The following CTNNA2 variants were observed in gnomAD, a reference collection of about 807,000 sequenced individuals.
CTNNA2 encodes catenin alpha 2, also known as catenin alpha-2.
In CTNNA2, 42 loss-of-function variants were observed where a neutral mutation model predicts 101.0. That is an observed-to-expected ratio of 0.42 (90% CI 0.32 to 0.54). CTNNA2 has a LOEUF of 0.54. Among genes scored for constraint, CTNNA2 ranks in the 20% least tolerant of loss-of-function variants. The probability of loss-of-function intolerance (pLI) is 0.14; values close to 1 mark genes in which losing one functional copy is unlikely to be tolerated. For synonymous variants in CTNNA2, 450 were observed against 456.4 expected, an observed-to-expected ratio of 0.99 and a Z score of 0.18; for missense variants, 871 against 1,223.1, an observed-to-expected ratio of 0.71 and a Z score of 4.29.
chr2:80,529,834 A>AG (rs1471098447), intron 9 of CTNNA2, among the ~76,000 whole-genome samples: 1 of 152,128 alleles, frequency 6.6e-6, no homozygotes, highest in Non-Finnish European at 1.5e-5. Flanking sequence ...TGATTCAGCG[A>AG]GGGGGGTAAA....
chr2:79,799,919 C>A (rs1381165110), intron 3 of CTNNA2, among the ~76,000 whole-genome samples: 1 of 152,030 alleles, frequency 6.6e-6, no homozygotes, highest in African/African-American at 2.4e-5. Context: ...TAATAATGAC[C>A]ATTTTGCTTA....
At chr2:79,510,733 G>T (rs1352282385), upstream of CTNNA2, among the ~76,000 whole-genome samples, 2 of 152,042 alleles carry the variant, frequency 1.3e-5, no homozygotes, top group African/African-American at 4.8e-5. Flanking sequence ...CTTTTATGCT[G>T]GTTTTTTAAT....
intron 8 of CTNNA2, among the ~76,000 whole-genome samples, chr2:80,404,523 A>G (rs1375604736): frequency 6.6e-6 from 1 of 152,180 alleles, no homozygotes; most frequent in South Asian, 2.1e-4. Context: ...ATGTGGTTAC[A>G]TGTGTCTAAT....
chr2:79,431,131 C>T (rs1678655518), intron 4 of CTNNA2, among the ~76,000 whole-genome samples: 1 of 152,020 alleles, frequency 6.6e-6, no homozygotes, highest in Non-Finnish European at 1.5e-5. Flanking sequence ...TAAAGCTGGA[C>T]TTTGAGGAGT....
At chr2:80,332,310 C>T (rs935946613) in intron 7 of CTNNA2, among the ~76,000 whole-genome samples, 3 of 152,136 alleles carry the variant, frequency 2.0e-5, no homozygotes, top group Admixed American at 6.5e-5. Flanking sequence ...CCTCACCTCC[C>T]ATGAAGCTGG....
At chr2:79,380,081 A>G (rs547304619) in intron 4 of CTNNA2, among the ~76,000 whole-genome samples, 1 of 152,170 alleles carries the variant, frequency 6.6e-6, no homozygotes, top group Non-Finnish European at 1.5e-5. Context: ...CCAGAGGGAC[A>G]TTACAAAACA....
Position 79,771,624 on chromosome 2 carries a change from C to A in CTNNA2, c.298+27042C>A, listed in dbSNP as rs1673587215. Among the ~76,000 whole-genome samples the A allele has an allele frequency of 2.6e-5, 4 of 152,276 alleles. No homozygotes were observed. The South Asian group carries it at 8.3e-4, about 32-fold the overall frequency. On this transcript the variant is annotated intron_variant, in intron 3 of 18. Transcript: ENST00000402739. ...CTAAATCCCTTGCATGCACAGTTCA[C>A]AAGAGGGTCCACTCTCCTATGAGAA...
intron 9 of CTNNA2, among the ~76,000 whole-genome samples, chr2:80,521,647 G>A (rs753050070): frequency 6.6e-6 from 1 of 152,150 alleles, no homozygotes; most frequent in Non-Finnish European, 1.5e-5. Flanking sequence ...AGATAAAAAG[G>A]AGCTAGGAGC....
intron 7 of CTNNA2, among the ~76,000 whole-genome samples, chr2:80,096,954 T>C (rs1056271289): frequency 1.3e-5 from 2 of 152,212 alleles, no homozygotes; most frequent in African/African-American, 4.8e-5. Flanking sequence ...TCTTGACTCC[T>C]TATCCAATTT....
At chr2:79,446,032 G>T (rs548256710) in intron 4 of CTNNA2, among the ~76,000 whole-genome samples, 1 of 152,040 alleles carries the variant, frequency 6.6e-6, no homozygotes, top group South Asian at 2.1e-4. Flanking sequence ...TTAAGCATTT[G>T]GGCTCTGGAA....
intron 1 of CTNNA2, among the ~76,000 whole-genome samples, chr2:79,538,457 A>G (rs2103974734): frequency 6.6e-6 from 1 of 152,288 alleles, no homozygotes; most frequent in South Asian, 2.1e-4. Flanking sequence ...ATTGTTGAGG[A>G]ATTACTGGAT....
chr2:79,792,528 T>C (rs1218801577), intron 3 of CTNNA2, among the ~76,000 whole-genome samples: 1 of 152,180 alleles, frequency 6.6e-6, no homozygotes. Context: ...TGTCTGGATG[T>C]GTTCTTACAA....
At chr2:80,423,145 T>G (rs1168021738) in intron 9 of CTNNA2, among the ~76,000 whole-genome samples, 1 of 152,128 alleles carries the variant, frequency 6.6e-6, no homozygotes, top group African/African-American at 2.4e-5. Context: ...GCTTTCAGCT[T>G]TATAGATTTG....
intron 7 of CTNNA2, among the ~76,000 whole-genome samples, chr2:80,131,675 C>T (rs1702422344): frequency 6.6e-6 from 1 of 152,066 alleles, no homozygotes; most frequent in Admixed American, 6.6e-5. Context: ...TTCCACCCAC[C>T]CCAAATTCTA....
chr2:79,591,014 T>C (rs905015518), intron 1 of CTNNA2, among the ~76,000 whole-genome samples: 4 of 152,340 alleles, frequency 2.6e-5, no homozygotes, highest in African/African-American at 9.6e-5. Context: ...TCTTCTCTTA[T>C]AATGTATTTT....
chr2:79,914,627 C>T (rs1686059279), intron 7 of CTNNA2, among the ~76,000 whole-genome samples: 1 of 152,142 alleles, frequency 6.6e-6, no homozygotes. Flanking sequence ...TTTTCTTAAA[C>T]AATCATGCAG....
At chr2:80,612,447 AATTG>A (rs1429525652) in intron 17 of CTNNA2, among the ~76,000 whole-genome samples, 1 of 151,584 alleles carries the variant, frequency 6.6e-6, no homozygotes, top group Non-Finnish European at 1.5e-5. Context: ...CACAGAGCAC[AATTG>A]ATTTGATATT....
intron 7 of CTNNA2, among the ~76,000 whole-genome samples, chr2:80,242,163 G>C (rs1051744924): frequency 6.6e-6 from 1 of 152,178 alleles, no homozygotes; most frequent in South Asian, 2.1e-4. Flanking sequence ...AAGATTTTAT[G>C]GTGGAAATCT....
intron 4 of CTNNA2, among the ~76,000 whole-genome samples, chr2:79,397,141 C>T (rs986982633): frequency 2.6e-5 from 4 of 152,042 alleles, no homozygotes; most frequent in African/African-American, 9.7e-5. Context: ...TATTTTGATA[C>T]ATGTATACAA....
Sources: gnomAD v4.1 joint callset for allele counts (sites outside exome capture counted in the v4.1 genomes callset) on GRCh38, gnomAD v4.1.1 for gene constraint, MANE v1.5 for transcripts, NCBI Gene and HGNC (gene_info 2026-07-23, HGNC 2026-07-21) for gene names.